The following CADPS variants were observed in gnomAD, a reference collection of about 807,000 sequenced individuals.
CADPS encodes calcium-dependent secretion activator 1.
CADPS carries 57 observed loss-of-function variants against 167.3 expected under a neutral mutation model. The ratio of observed to expected loss-of-function variants is 0.34; its 90% CI spans 0.28 to 0.42. The LOEUF (loss-of-function observed/expected upper bound fraction) is 0.42, where lower values mean the gene tolerates loss of function less well. Among genes scored for constraint, CADPS ranks in the 20% least tolerant of loss-of-function variants. The pLI is 1.00. For missense variants in CADPS, 1,414 were observed against 1,738.1 expected, an observed-to-expected ratio of 0.81 and a Z score of 3.32; for synonymous variants, 676 against 635.3, an observed-to-expected ratio of 1.06 and a Z score of -0.96.
Position 62,421,682 on chromosome 3 carries a change from A to G in CADPS, c.3777+16422T>C, listed in dbSNP as rs1277257233. ...CCCCCCAAAGGAGGGGGAAGGGGGG[A>G]CTTTGCCCAAGCCAAGGATTTGGCT... On this transcript the variant is annotated intron_variant, in intron 28 of 29. Coordinates refer to ENST00000383710, the MANE Select transcript of CADPS (RefSeq NM_003716.4). This position sits in a 1 kb window ranked among gnomAD's most constrained non-coding sequence, Gnocchi z 4.7. 6.6e-6 allele frequency among the ~76,000 whole-genome samples: 1 copy of G among 151,012 alleles called. No individual in the cohort carries two copies. Among genetic ancestry groups the G allele is most frequent in the East Asian group, 2.0e-4 (1 of 5,082 alleles).
Position 62,745,203 on chromosome 3 carries a change from C to A in CADPS, c.888+8238G>T, listed in dbSNP as rs2081193717. Among the ~76,000 whole-genome samples the A allele has an allele frequency of 2.0e-5, 3 of 152,106 alleles. No individual in the cohort carries two copies. In the South Asian group the frequency reaches 6.2e-4, roughly 32 times the overall value. On this transcript the variant is annotated intron_variant, in intron 3 of 29. Coordinates refer to ENST00000383710, the MANE Select transcript of CADPS (RefSeq NM_003716.4). ...GCTCAAGTAATCCTCCCATCCCAGCCTCCCAAGTGTGAGCTACCACGCCCA... is the reference window on the plus strand; with the variant it reads ...GCTCAAGTAATCCTCCCATCCCAGCATCCCAAGTGTGAGCTACCACGCCCA...
At chr3:62,581,819 G>T (rs1434111772) in intron 8 of CADPS, among the ~76,000 whole-genome samples, 1 of 152,122 alleles carries the variant, frequency 6.6e-6, no homozygotes, top group Non-Finnish European at 1.5e-5. Context: ...CTTGTGAGGT[G>T]GTTTCAGTGA....
intron 5 of CADPS, among the ~76,000 whole-genome samples, chr3:62,647,141 A>G (rs1366781878): frequency 6.6e-6 from 1 of 152,210 alleles, no homozygotes; most frequent in African/African-American, 2.4e-5. Context: ...GAGATATACA[A>G]TTAGTCCTTA....
At chr3:62,773,765 T>C (rs1009722112) in intron 1 of CADPS, among the ~76,000 whole-genome samples, 17 of 152,190 alleles carry the variant, frequency 1.1e-4, no homozygotes, top group Non-Finnish European at 2.4e-4. Flanking sequence ...TTACAAAGTG[T>C]TTCTTTAGAA....
chr3:62,476,003 C>A (rs557774757), intron 23 of CADPS, among the ~76,000 whole-genome samples: 3 of 152,200 alleles, frequency 2.0e-5, no homozygotes, highest in East Asian at 3.9e-4. Context: ...CTCTGTAGGA[C>A]CAAAACGCCA....
chr3:62,650,774 G>A (rs1467439048), intron 5 of CADPS, 73 bp downstream of exon 5: 1 of 1,110,546 alleles, frequency 9.0e-7, no homozygotes, highest in African/African-American at 1.5e-5. Context: ...AAAACAAGCT[G>A]ATTGTGACGC....
At chr3:62,476,412 T>C (rs1340171941) in intron 23 of CADPS, among the ~76,000 whole-genome samples, 1 of 152,136 alleles carries the variant, frequency 6.6e-6, no homozygotes, top group Non-Finnish European at 1.5e-5. Flanking sequence ...TTTGGGCTGA[T>C]TTAAAAGGGA....
chr3:62,557,155 C>T (rs1023499756), intron 10 of CADPS, among the ~76,000 whole-genome samples: 7 of 151,770 alleles, frequency 4.6e-5, no homozygotes, highest in Non-Finnish European at 7.4e-5. Flanking sequence ...AAGAAAAATG[C>T]TCTTACTTTT....
chr3:62,599,736 A>ATT, intron 6 of CADPS, among the ~76,000 whole-genome samples: 1 of 44,734 alleles, frequency 2.2e-5, no homozygotes, highest in African/African-American at 1.1e-4. Context: ...TAGTATATAT[A>ATT]ATATATATAA....
At position 62,585,224 on chromosome 3, in the gene CADPS, G is replaced by C. The variant is rs752720622; in HGVS notation, c.1538C>G (p.Ala513Gly). Residue 513 changes from alanine to glycine, a missense_variant, in exon 8 of 30, where the codon GCT becomes GGT. This residue lies in a region of CADPS where 157 missense variants were observed against 229.4 expected (regional missense o/e 0.68). Transcript: ENST00000383710. ...GTTTTGAGGCTTATCCATTCGGACA[G>C]CAAGTTTGATTTTGAGATCTTGGTC... ...CPDQDLKIKLAVRMDKPQNMK... is the reference protein window; with the variant it reads ...CPDQDLKIKLGVRMDKPQNMK... The C allele has an allele frequency of 6.2e-7, 1 of 1,614,060 alleles. No homozygotes were observed. Among genetic ancestry groups the C allele is most frequent in the South Asian group, 1.1e-5 (1 of 91,072 alleles).
Position 62,446,617 on chromosome 3 carries a change from TCA to T in CADPS, c.3637-822_3637-821del, listed in dbSNP as rs575883863. ...TTTCCGCAGGTTGATAAGGGTGAATTCACACTTAGCCCCAGGATGTAAATACA... is the reference window on the plus strand; with the variant it reads ...TTTCCGCAGGTTGATAAGGGTGAATTCACTTAGCCCCAGGATGTAAATACA... On this transcript the variant is annotated intron_variant, in intron 26 of 29. Transcript: ENST00000383710. The surrounding 1 kb of genome is among the most constrained non-coding windows in gnomAD (Gnocchi z 4.9). 4.4e-4 allele frequency among the ~76,000 whole-genome samples: 67 copies of T among 152,290 alleles called. No homozygotes were observed. The highest frequency in any genetic ancestry group is 1.1e-3 in the African/African-American group (47 of 41,558).
Position 62,495,546 on chromosome 3 carries a change from G to A in CADPS, c.2707-1881C>T, listed in dbSNP as rs187461982. On this transcript the variant is annotated intron_variant, in intron 18 of 29. Coordinates refer to ENST00000383710, the MANE Select transcript of CADPS (RefSeq NM_003716.4). Reference sequence around the variant, plus strand: ...TAAGGAGAATAAGGAGTTATACTTCGGCTACTAAATACTTACCCAGAGCTT... The same window carrying A: ...TAAGGAGAATAAGGAGTTATACTTCAGCTACTAAATACTTACCCAGAGCTT... Among the ~76,000 whole-genome samples, 11 of 152,206 alleles carry A rather than the reference G, an allele frequency of 7.2e-5. 1 individual carries two copies. Among genetic ancestry groups the A allele is most frequent in the Admixed American group, 3.3e-4 (5 of 15,288 alleles).
intron 26 of CADPS, among the ~76,000 whole-genome samples, chr3:62,456,121 T>C (rs1339195060): frequency 3.9e-5 from 6 of 152,128 alleles, no homozygotes; most frequent in Non-Finnish European, 8.8e-5. Flanking sequence ...AAACTAGCTG[T>C]GCAAGTCATT....
At chr3:62,735,696 G>A (rs1371477455) in intron 3 of CADPS, among the ~76,000 whole-genome samples, 1 of 152,118 alleles carries the variant, frequency 6.6e-6, no homozygotes, top group Non-Finnish European at 1.5e-5. Context: ...TCTTGCCAAT[G>A]GGATCTGAGC....
intron 1 of CADPS, among the ~76,000 whole-genome samples, chr3:62,828,277 T>G (rs1159772324): frequency 2.0e-5 from 3 of 152,196 alleles, no homozygotes; most frequent in Admixed American, 2.0e-4. Context: ...CAGATGGCAA[T>G]TCCAGCACTC....
At chr3:62,596,518 T>G (rs775336177) in intron 6 of CADPS, among the ~76,000 whole-genome samples, 1 of 152,184 alleles carries the variant, frequency 6.6e-6, no homozygotes, top group Non-Finnish European at 1.5e-5. Flanking sequence ...TTTTGCTACA[T>G]GTATACAATG....
At chr3:62,846,063 C>T (rs2077380954) in intron 1 of CADPS, among the ~76,000 whole-genome samples, 1 of 151,424 alleles carries the variant, frequency 6.6e-6, no homozygotes, top group Non-Finnish European at 1.5e-5. Context: ...TGCTCTCTCT[C>T]TCTCTCTCTC....
chr3:62,441,657 C>G (rs530639729), intron 27 of CADPS, among the ~76,000 whole-genome samples: 5 of 152,298 alleles, frequency 3.3e-5, no homozygotes, highest in African/African-American at 1.2e-4. Context: ...AAAAACCTCA[C>G]AGGGAAACAC....
rs1053680701 is a variant in CADPS, at chr3:62,420,806, T to C, written c.3777+17298A>G. Among the ~76,000 whole-genome samples, 3 of 151,946 alleles carry C rather than the reference T, an allele frequency of 2.0e-5. No individual in the cohort carries two copies. Among genetic ancestry groups the C allele is most frequent in the Non-Finnish European group, 4.4e-5 (3 of 67,982 alleles). ...TCTCAGGAAACCGTATTCTCCTCTTTCTACTTCTCACTGCATATGACTCTA... is the reference window on the plus strand; with the variant it reads ...TCTCAGGAAACCGTATTCTCCTCTTCCTACTTCTCACTGCATATGACTCTA... On this transcript the variant is annotated intron_variant, in intron 28 of 29. Coordinates refer to ENST00000383710, the MANE Select transcript of CADPS (RefSeq NM_003716.4). The surrounding 1 kb of genome is among the most constrained non-coding windows in gnomAD (Gnocchi z 4.1).
Sources: gnomAD v4.1 joint callset for allele counts (sites outside exome capture counted in the v4.1 genomes callset) on GRCh38, gnomAD v4.1.1 for gene constraint, gnomAD v4.1.1 regional missense constraint, Gnocchi (gnomAD v3.1) non-coding constraint, MANE v1.5 for transcripts, NCBI Gene and HGNC (gene_info 2026-07-23, HGNC 2026-07-21) for gene names.